Variants in KCNQ1 observed in about 807,000 individuals in gnomAD.
KCNQ1 encodes the protein potassium voltage-gated channel subfamily KQT member 1.
A neutral mutation model predicts 72.4 loss-of-function variants in KCNQ1; 49 were observed. The ratio of observed to expected loss-of-function variants is 0.68; its 90% CI spans 0.54 to 0.86. The LOEUF is 0.86. KCNQ1 is among the 40% of genes least tolerant of loss of function. The pLI is 0.00. For missense variants in KCNQ1, 790 were observed against 945.1 expected (o/e 0.84, Z 2.15); for synonymous variants, 450 against 412.6 (o/e 1.09, Z -1.10).
chr11:2,583,272 G>A (rs189053071), intron 6 of KCNQ1, among the ~76,000 whole-genome samples, 163 bp from the exon 7 acceptor site: 10 of 152,282 alleles, frequency 6.6e-5, no homozygotes, highest in East Asian at 1.9e-4. Context: ...GCCATCCCGC[G>A]GCTCTGTTCC....
At chr11:2,568,272 CATAAATAAATAAATAAATAA>C (rs71029149) in intron 2 of KCNQ1, among the ~76,000 whole-genome samples, 1 of 149,064 alleles carries the variant, frequency 6.7e-6, no homozygotes, top group African/African-American at 2.5e-5. Flanking sequence ...GACTCTGTCT[CATAAATAAATAAATAAATAA>C]ATAAATAAAT....
intron 11 of KCNQ1, chr11:2,675,720 G>A (rs748817212): frequency 2.5e-5 from 10 of 398,572 alleles, no homozygotes; most frequent in Non-Finnish European, 3.5e-5. Flanking sequence ...TTGTGCTGGA[G>A]CAGCCCCTGC....
In KCNQ1 at chr11:2,690,475, A is replaced by G; in HGVS notation, c.1514+28394A>G. 1 of 398,616 alleles carries G rather than the reference A, an allele frequency of 2.5e-6. No homozygotes were observed. Among genetic ancestry groups the G allele is most frequent in the Non-Finnish European group, 4.4e-6 (1 of 226,050 alleles). The allele number at this position is 398,616 out of a possible 1,614,324, so 24.7% of individuals were successfully genotyped here. On this transcript the variant is annotated intron_variant, in intron 11 of 15. Coordinates refer to ENST00000155840, the MANE Select transcript of KCNQ1 (RefSeq NM_000218.3). This position sits in a 1 kb window ranked among gnomAD's most constrained non-coding sequence, Gnocchi z 5.1. ...TAAGAGCAGAGACTGGGTCCTGGGA[A>G]CAGCCACTGGGCCCAGTCGGGGGGG...
chr11:2,830,465 C>T lies in KCNQ1; in HGVS notation c.1795-17302C>T, dbSNP rs1421943136. ...TAGGTCCTCCCAATGGCCTGCAAAC[C>T]ACACCCAGTCTAGTCAGCATGTATC... On this transcript the variant is annotated intron_variant, in intron 15 of 15. Coordinates refer to ENST00000155840, the MANE Select transcript of KCNQ1 (RefSeq NM_000218.3). This position sits in a 1 kb window ranked among gnomAD's most constrained non-coding sequence, Gnocchi z 7.7. 6.6e-6 allele frequency among the ~76,000 whole-genome samples: 1 copy of T among 152,132 alleles called. No individual in the cohort carries two copies. The highest frequency in any genetic ancestry group is 2.4e-5 in the African/African-American group (1 of 41,432).
At chr11:2,519,809 CT>C (rs1847350985) in intron 1 of KCNQ1, among the ~76,000 whole-genome samples, 1 of 151,858 alleles carries the variant, frequency 6.6e-6, no homozygotes, top group Non-Finnish European at 1.5e-5. Context: ...TCCCTGGAAG[CT>C]GCAAATGTGA....
chr11:2,507,049 G>A lies in KCNQ1; in HGVS notation c.387-20879G>A, dbSNP rs142984233. Among the ~76,000 whole-genome samples, 139 of 152,164 alleles carry A rather than the reference G, an allele frequency of 9.1e-4. No individual in the cohort carries two copies. The highest frequency in any genetic ancestry group is 1.4e-3 in the Non-Finnish European group (97 of 68,008). On this transcript the variant is annotated intron_variant, in intron 1 of 15. Transcript: ENST00000155840. This position sits in a 1 kb window ranked among gnomAD's most constrained non-coding sequence, Gnocchi z 5.4. Reference sequence around the variant, plus strand: ...GGTGCTTTTTGCTATGAGAAATTTCGCATGTTTATATCATCAAATTTATCA... The same window carrying A: ...GGTGCTTTTTGCTATGAGAAATTTCACATGTTTATATCATCAAATTTATCA...
chr11:2,775,474 A>G (rs1846677359), intron 12 of KCNQ1, among the ~76,000 whole-genome samples: 1 of 152,168 alleles, frequency 6.6e-6, no homozygotes, highest in Non-Finnish European at 1.5e-5. Context: ...TGCAGAGGAG[A>G]CCCGCTCCCT....
intron 10 of KCNQ1, chr11:2,630,295 T>C: frequency 2.5e-6 from 1 of 398,358 alleles, no homozygotes; most frequent in East Asian, 3.6e-5. Flanking sequence ...TTTAATGTGC[T>C]GTTAAATTCA....
chr11:2,612,785 TTC>T lies in KCNQ1; in HGVS notation c.1393+23933_1393+23934del, dbSNP rs1849001942. The T allele has an allele frequency of 2.5e-6, 1 of 398,498 alleles. No individual in the cohort carries two copies. The highest frequency in any genetic ancestry group is 2.1e-5 in the African/African-American group (1 of 48,618). The allele number at this position is 398,498 out of a possible 1,614,324, so 24.7% of individuals were successfully genotyped here. ...TTATTCTTGTTCAAGGGTCACAATT[TTC>T]TGTTTCTTTGCATATCTCATTTTTT... On this transcript the variant is annotated intron_variant, in intron 10 of 15. Coordinates refer to ENST00000155840, the MANE Select transcript of KCNQ1 (RefSeq NM_000218.3). This position sits in a 1 kb window ranked among gnomAD's most constrained non-coding sequence, Gnocchi z 5.5.
chr11:2,699,677 C>T (rs1850753730), intron 11 of KCNQ1: 3 of 354,696 alleles, frequency 8.5e-6, no homozygotes, highest in Admixed American at 4.8e-5. Flanking sequence ...GAGAACCGCG[C>T]CGAAAAGCCC....
In KCNQ1 at chr11:2,572,940, G is replaced by A. The variant is rs199472736; in HGVS notation, c.875G>A (p.Gly292Asp). ...GAGAAGGACGCGGTGAACGAGTCAG[G>A]CCGCGTGGAGTTCGGCAGCTACGCA... ...LAEKDAVNES[G>D]RVEFGSYADA... The change falls in exon 6 of 16, where the codon GGC becomes GAC. Residue 292 changes from glycine (G) to aspartate (D), a missense_variant. Gly to Asp is a moderately conservative substitution (Grantham distance 94). This residue lies in a region of KCNQ1 where 133 missense variants were observed against 219.5 expected (regional missense o/e 0.61). Coordinates refer to ENST00000155840, the MANE Select transcript of KCNQ1 (RefSeq NM_000218.3). 2.8e-5 allele frequency: 45 copies of A among 1,613,708 alleles called. No individual in the cohort carries two copies. The highest frequency in any genetic ancestry group is 3.7e-5 in the Non-Finnish European group (44 of 1,180,024).
rs144672370 is a variant in KCNQ1 at position 2,482,616 on chromosome 11, T to C, written c.386+37132T>C. The stretch of plus-strand genomic sequence containing the variant: ...GTGTTTTCCTAATTTAGCTTCCTAC[T>C]GTGCTGCTGGACATCACTGACTCCC... On this transcript the variant is annotated intron_variant, in intron 1 of 15. Transcript: ENST00000155840. This position sits in a 1 kb window ranked among gnomAD's most constrained non-coding sequence, Gnocchi z 5.7. Among the ~76,000 whole-genome samples, 2,919 of 152,244 alleles carry C rather than the reference T, an allele frequency of 0.019. 46 individuals carry two copies. Among genetic ancestry groups the C allele is most frequent in the South Asian group, 0.053 (255 of 4,818 alleles).
chr11:2,833,158 G>A (rs1170042952), intron 15 of KCNQ1, among the ~76,000 whole-genome samples: 2 of 152,214 alleles, frequency 1.3e-5, no homozygotes, highest in Non-Finnish European at 2.9e-5. Context: ...GTGCCTGTGT[G>A]CCTCTGGAGT....
At position 2,674,234 on chromosome 11, in the gene KCNQ1, A is replaced by C; in HGVS notation, c.1514+12153A>C. 1 of 398,618 alleles carries C rather than the reference A, an allele frequency of 2.5e-6. No individual in the cohort carries two copies. Among genetic ancestry groups the C allele is most frequent in the Non-Finnish European group, 4.4e-6 (1 of 226,144 alleles). 24.7% of individuals were successfully genotyped at this position (398,618 alleles called of 1,614,324 possible). A position where few individuals can be genotyped will look rare whatever the true frequency, so the allele number is the denominator to read the frequency against. On this transcript the variant is annotated intron_variant, in intron 11 of 15. Coordinates refer to ENST00000155840, the MANE Select transcript of KCNQ1 (RefSeq NM_000218.3). The surrounding 1 kb of genome is among the most constrained non-coding windows in gnomAD (Gnocchi z 5.9). ...TTTTCTTGGGGCCCAGATAGATGTG[A>C]GCAGAGCTGGAGGCCCCTCTCTCCC...
chr11:2,821,912 C>T (rs1847745875), intron 15 of KCNQ1, among the ~76,000 whole-genome samples: 1 of 152,170 alleles, frequency 6.6e-6, no homozygotes. Flanking sequence ...TATCCCTGTC[C>T]CTTCATGGCA....
chr11:2,596,179 C>T (rs1038376898), intron 10 of KCNQ1, among the ~76,000 whole-genome samples: 2 of 152,122 alleles, frequency 1.3e-5, no homozygotes, highest in African/African-American at 4.8e-5. Flanking sequence ...ATGGATGATA[C>T]CAAGTGTTGG....
Position 2,657,337 on chromosome 11 carries a change from T to C in KCNQ1, c.1394-4624T>C, listed in dbSNP as rs928423971. On this transcript the variant is annotated intron_variant, in intron 10 of 15. Transcript: ENST00000155840. This position sits in a 1 kb window ranked among gnomAD's most constrained non-coding sequence, Gnocchi z 4.8. ...TTTTCAGTATTGAGTCTTCTAGTCA[T>C]TGGAATGAAGGCATATTTCTCCATT... The C allele has an allele frequency of 1.0e-5, 4 of 398,524 alleles. No homozygotes were observed. The highest frequency in any genetic ancestry group is 1.3e-5 in the Non-Finnish European group (3 of 226,068). 24.7% of individuals were successfully genotyped at this position (398,524 alleles called of 1,614,324 possible). A position where few individuals can be genotyped will look rare whatever the true frequency, so the allele number is the denominator to read the frequency against.
chr11:2,583,304 C>T (rs1481271269), intron 6 of KCNQ1, 131 bp from the exon 7 acceptor site: 16 of 742,294 alleles, frequency 2.2e-5, no homozygotes, highest in Admixed American at 1.9e-4. Flanking sequence ...CCGAGTCACA[C>T]GGGGTCGTCC....
At chr11:2,774,300 T>A (rs936558962) in intron 12 of KCNQ1, among the ~76,000 whole-genome samples, 3 of 152,226 alleles carry the variant, frequency 2.0e-5, no homozygotes, top group African/African-American at 7.2e-5. Context: ...CCTGCCTCTA[T>A]CACAGTTCTT....
Sources: allele counts gnomAD v4.1 joint callset (sites outside exome capture counted in the v4.1 genomes callset), GRCh38; gene constraint gnomAD v4.1.1; regional missense constraint gnomAD v4.1.1; non-coding constraint Gnocchi (gnomAD v3.1); transcripts MANE v1.5; gene names NCBI Gene and HGNC (gene_info 2026-07-23, HGNC 2026-07-21).